MORC1: variants seen among roughly 807,000 people sequenced by gnomAD.
The protein encoded by MORC1 is MORC family CW-type zinc finger protein 1.
Under a neutral mutation model 134.9 loss-of-function variants are expected in MORC1, and 59 were observed. The observed-to-expected ratio is 0.44, with a 90% CI of 0.35 to 0.54. The LOEUF is 0.54. MORC1 is among the 20% of genes least tolerant of loss of function. MORC1 has a pLI of 0.00. For missense variants in MORC1, 947 were observed against 1,134.5 expected, an observed-to-expected ratio of 0.83 and a Z score of 2.37; for synonymous variants, 395 against 391.7, an observed-to-expected ratio of 1.01 and a Z score of -0.10.
At chr3:109,003,451 T>C (rs1299603092) in intron 20 of MORC1, among the ~76,000 whole-genome samples, 1 of 151,256 alleles carries the variant, frequency 6.6e-6, no homozygotes, top group Non-Finnish European at 1.5e-5. Context: ...TGAGTCCCTG[T>C]ATTTAATGTC....
chr3:109,044,805 T>C (rs1576672769), intron 14 of MORC1, among the ~76,000 whole-genome samples: 1 of 146,766 alleles, frequency 6.8e-6, no homozygotes. Context: ...ATTAGCCAGG[T>C]GTGGTGGCGG....
chr3:109,008,304 T>G (rs759813540), intron 17 of MORC1, among the ~76,000 whole-genome samples: 1 of 152,144 alleles, frequency 6.6e-6, no homozygotes, highest in Admixed American at 6.5e-5. Context: ...AACAGGTACA[T>G]GCATTTATAA....
At chr3:109,032,695 A>G (rs1245560274) in intron 16 of MORC1, 25 bp downstream of exon 16, 1 of 1,445,754 alleles carries the variant, frequency 6.9e-7, no homozygotes, top group East Asian at 2.3e-5. Flanking sequence ...ATGAATAAAG[A>G]ATTTTAGAAA....
At chr3:108,978,223 C>A (rs1947617931) in intron 24 of MORC1, among the ~76,000 whole-genome samples, 2 of 152,188 alleles carry the variant, frequency 1.3e-5, no homozygotes, top group Admixed American at 1.3e-4. Context: ...TGAGGTCTGG[C>A]CTGCTTTTGT....
intron 3 of MORC1, among the ~76,000 whole-genome samples, chr3:109,109,403 C>T (rs902644276): frequency 5.3e-5 from 8 of 152,188 alleles, no homozygotes; most frequent in Non-Finnish European, 1.0e-4. Context: ...ATTAATGAAT[C>T]TGTGAACTAG....
chr3:109,044,799 G>A (rs1386532730), intron 14 of MORC1, among the ~76,000 whole-genome samples: 2 of 151,316 alleles, frequency 1.3e-5, no homozygotes, highest in African/African-American at 2.4e-5. Flanking sequence ...CAAAAAATTA[G>A]CCAGGTGTGG....
chr3:109,085,337 A>C (rs1950597416), intron 8 of MORC1, among the ~76,000 whole-genome samples: 1 of 152,214 alleles, frequency 6.6e-6, no homozygotes, highest in Non-Finnish European at 1.5e-5. Flanking sequence ...GCAGAATAGG[A>C]GAAAATATTT....
intron 6 of MORC1, among the ~76,000 whole-genome samples, chr3:109,095,958 G>A (rs1189744005): frequency 6.6e-6 from 1 of 151,942 alleles, no homozygotes; most frequent in Non-Finnish European, 1.5e-5. Flanking sequence ...CAGGAGTAAC[G>A]GCCATCTAAG....
rs1292998216 is a variant in MORC1, at chr3:108,972,001, A to C, written c.2478-599T>G. Among the ~76,000 whole-genome samples the C allele has an allele frequency of 3.3e-5, 5 of 152,336 alleles. No individual in the cohort carries two copies. The East Asian group carries it at 9.6e-4, about 29-fold the overall frequency. ...TTTCCTGGAAGAAAGTAGGCTGACT[A>C]CAGACTTACTGACTTTTTTCCTGAG... On this transcript the variant is annotated intron_variant, in intron 24 of 27. Coordinates refer to ENST00000232603, the MANE Select transcript of MORC1 (RefSeq NM_014429.4).
At chr3:108,973,876 G>T (rs368943298) in intron 24 of MORC1, among the ~76,000 whole-genome samples, 1 of 152,090 alleles carries the variant, frequency 6.6e-6, no homozygotes, top group Admixed American at 6.5e-5. Context: ...GATTACAGTC[G>T]TGAGCCACCG....
At chr3:108,961,639 T>G (rs971782628) in intron 27 of MORC1, among the ~76,000 whole-genome samples, 1 of 152,192 alleles carries the variant, frequency 6.6e-6, no homozygotes, top group Non-Finnish European at 1.5e-5. Flanking sequence ...GAGTAATACA[T>G]TTGGGCAGGA....
chr3:108,995,636 T>C (rs1948180973), intron 21 of MORC1, among the ~76,000 whole-genome samples: 2 of 152,182 alleles, frequency 1.3e-5, no homozygotes, highest in Non-Finnish European at 2.9e-5. Context: ...ATGAGCCTCA[T>C]GACTATGACT....
At chr3:109,040,829 CAAAAAAAAAAAAA>C (rs59122147) in intron 14 of MORC1, among the ~76,000 whole-genome samples, 1 of 108,632 alleles carries the variant, frequency 9.2e-6, no homozygotes, top group African/African-American at 4.4e-5. Flanking sequence ...AACTCTGTGT[CAAAAAAAAAAAAA>C]AAAAAAAAGA....
intron 13 of MORC1, among the ~76,000 whole-genome samples, chr3:109,057,122 G>C (rs1165564382): frequency 1.3e-5 from 2 of 152,064 alleles, no homozygotes; most frequent in Admixed American, 1.3e-4. Flanking sequence ...TAAATGCATT[G>C]AAAAAAATTT....
chr3:109,026,121 A>G (rs1273516571), intron 17 of MORC1, among the ~76,000 whole-genome samples: 6 of 152,176 alleles, frequency 3.9e-5, no homozygotes, highest in Non-Finnish European at 7.4e-5. Flanking sequence ...TTCCTTGGTT[A>G]CCACAAAAGC....
intron 12 of MORC1, 37 bp downstream of exon 12, chr3:109,059,769 C>G (rs1026841516): frequency 1.3e-6 from 2 of 1,584,480 alleles, no homozygotes; most frequent in African/African-American, 2.7e-5. Flanking sequence ...TAACAGAGTA[C>G]AGAGGATTCC....
chr3:109,079,458 A>T (rs901037632), intron 8 of MORC1, among the ~76,000 whole-genome samples: 1 of 152,206 alleles, frequency 6.6e-6, no homozygotes, highest in Admixed American at 6.5e-5. Flanking sequence ...TTCCTCACAC[A>T]AAAAAATAAA....
intron 24 of MORC1, among the ~76,000 whole-genome samples, 188 bp downstream of exon 24, chr3:108,979,327 A>T (rs1947647290): frequency 1.3e-5 from 2 of 152,236 alleles, no homozygotes; most frequent in African/African-American, 4.8e-5. Flanking sequence ...ACAGGCAGTT[A>T]CCAGTTCTAT....
intron 14 of MORC1, among the ~76,000 whole-genome samples, chr3:109,040,427 GGAAAGAAAGAAAGAAA>G (rs1214249386): frequency 1.4e-4 from 7 of 48,392 alleles, no homozygotes; most frequent in South Asian, 1.0e-3. Flanking sequence ...AAGGAAGGAA[GGAAAGAAAGAAAGAAA>G]GAAAGAAAGA....
Sources: allele counts gnomAD v4.1 joint callset (sites outside exome capture counted in the v4.1 genomes callset), GRCh38; gene constraint gnomAD v4.1.1; transcripts MANE v1.5; gene names NCBI Gene and HGNC (gene_info 2026-07-23, HGNC 2026-07-21).